CEP44: variants seen among roughly 807,000 people sequenced by gnomAD.
CEP44 encodes the protein centrosomal protein of 44 kDa.
CEP44 carries 45 observed loss-of-function variants against 46.7 expected under a neutral mutation model. That is an observed-to-expected ratio of 0.96 (90% CI 0.76 to 1.24). The LOEUF (loss-of-function observed/expected upper bound fraction) is 1.24. Among genes scored for constraint, CEP44 ranks in the 50% most tolerant of loss-of-function variants. CEP44 has a pLI of 0.00. For missense variants in CEP44, 475 were observed against 459.7 expected, an observed-to-expected ratio of 1.03 and a Z score of -0.30; for synonymous variants, 142 against 146.0, an observed-to-expected ratio of 0.97 and a Z score of 0.20.
rs1248175563 is a variant in CEP44, at chr4:174,319,163, A to G, written c.*1780A>G. On this transcript the variant is annotated 3_prime_UTR_variant, in exon 12 of 12. Coordinates refer to ENST00000503780, the MANE Select transcript of CEP44 (RefSeq NM_001040157.3). ...CATCAGAACTTTAAAATGGTAGCCT[A>G]CAGAAACATACAATTTTGAATTTAA... 1.0e-6 allele frequency: 1 copy of G among 983,008 alleles called. No homozygotes were observed. The highest frequency in any genetic ancestry group is 1.7e-5 in the African/African-American group (1 of 57,180). The allele number at this position is 983,008 out of a possible 1,614,324, so 60.9% of individuals were successfully genotyped here. A position where few individuals can be genotyped will look rare whatever the true frequency, so the allele number is the denominator to read the frequency against.
chr4:174,292,904 A>G (rs1381687059), intron 1 of CEP44, among the ~76,000 whole-genome samples: 2 of 152,150 alleles, frequency 1.3e-5, no homozygotes, highest in Admixed American at 6.5e-5. Context: ...AGTTTCTGTA[A>G]CCTTATTGGT....
intron 1 of CEP44, among the ~76,000 whole-genome samples, chr4:174,294,733 C>A (rs1405700702): frequency 1.4e-5 from 2 of 141,612 alleles, no homozygotes; most frequent in Non-Finnish European, 3.2e-5. Context: ...TGACCACCCC[C>A]CACCTCCCTG....
intron 1 of CEP44, among the ~76,000 whole-genome samples, chr4:174,292,778 T>C (rs943282100): frequency 3.9e-5 from 6 of 152,220 alleles, no homozygotes; most frequent in African/African-American, 1.4e-4. Flanking sequence ...GATTTTTATT[T>C]CATTTTCTAT....
Position 174,286,446 on chromosome 4 carries a change from G to T in CEP44, c.-148+2503G>T, listed in dbSNP as rs1737595935. 2.6e-5 allele frequency among the ~76,000 whole-genome samples: 4 copies of T among 152,136 alleles called. 1 individual carries two copies. In the South Asian group the frequency reaches 8.3e-4, roughly 32 times the overall value. ...TAATATAATGACTTCATTTTAATGTGATAACTTCATTTTAAAGGAGCTTCA... is the reference window on the plus strand; with the variant it reads ...TAATATAATGACTTCATTTTAATGTTATAACTTCATTTTAAAGGAGCTTCA... On this transcript the variant is annotated intron_variant, in intron 1 of 11. Coordinates refer to ENST00000503780, the MANE Select transcript of CEP44 (RefSeq NM_001040157.3). This position sits in a 1 kb window ranked among gnomAD's most constrained non-coding sequence, Gnocchi z 5.2.
chr4:174,312,599 C>T lies in CEP44; in HGVS notation c.961+1741C>T, dbSNP rs984078138. On this transcript the variant is annotated intron_variant, in intron 9 of 11. Transcript: ENST00000503780. The surrounding 1 kb of genome is among the most constrained non-coding windows in gnomAD (Gnocchi z 4.5). ...GATTACAGGTGTGAGTTAACATGTC[C>T]GGGTTCACATAGCTAAATTTCAACA... is the stretch of plus-strand genomic sequence containing the variant. Among the ~76,000 whole-genome samples, 29 of 152,004 alleles carry T rather than the reference C, an allele frequency of 1.9e-4. No individual in the cohort carries two copies. Among genetic ancestry groups the T allele is most frequent in the African/African-American group, 5.3e-4 (22 of 41,368 alleles).
In CEP44 at chr4:174,310,782, G is replaced by A; in HGVS notation, c.886-1G>A. Reference sequence around the variant, plus strand: ...CTAAATATTTAACTGTGTTATTCCAGAATGATGAATTTATAGAGTTTAATG... The same window carrying A: ...CTAAATATTTAACTGTGTTATTCCAAAATGATGAATTTATAGAGTTTAATG... On this transcript the variant is annotated splice_acceptor_variant, in intron 8 of 11. Coordinates refer to ENST00000503780, the MANE Select transcript of CEP44 (RefSeq NM_001040157.3). LOFTEE classifies it high-confidence loss of function. This position sits in a 1 kb window ranked among gnomAD's most constrained non-coding sequence, Gnocchi z 4.2. 7.2e-7 allele frequency: 1 copy of A among 1,384,580 alleles called. No homozygotes were observed. 85.8% of individuals were successfully genotyped at this position (1,384,580 alleles called of 1,614,324 possible).
At chr4:174,308,572 GCA>G in intron 6 of CEP44, 115 bp from the exon 7 acceptor site, 7 of 903,856 alleles carry the variant, frequency 7.7e-6, no homozygotes, top group Non-Finnish European at 1.2e-5. Context: ...AACCCCCATG[GCA>G]CACATTTACT....
Position 174,331,813 on chromosome 4 carries a change from T to A in CEP44, c.*218T>A. ...TCTATTTTCCAGAAATTTCTCAAAATGTCTGCTGATAGCCCCTCACTCATA... is the reference window on the plus strand; with the variant it reads ...TCTATTTTCCAGAAATTTCTCAAAAAGTCTGCTGATAGCCCCTCACTCATA... On this transcript the variant is annotated 3_prime_UTR_variant, in exon 9 of 9. Coordinates refer to the CEP44 transcript ENST00000426172. This position sits in a 1 kb window ranked among gnomAD's most constrained non-coding sequence, Gnocchi z 4.5. 2.0e-6 allele frequency: 1 copy of A among 495,930 alleles called. No homozygotes were observed. The highest frequency in any genetic ancestry group is 6.3e-5 in the South Asian group (1 of 15,848). The allele number at this position is 495,930 out of a possible 1,614,324, so 30.7% of individuals were successfully genotyped here.
intron 5 of CEP44, 63 bp from the exon 6 acceptor site, chr4:174,304,184 T>A (rs752269446): frequency 3.3e-5 from 49 of 1,498,076 alleles, no homozygotes; most frequent in Non-Finnish European, 4.4e-5. Flanking sequence ...GTTAATGGAA[T>A]TTTAATATAT....
In CEP44 at chr4:174,286,538, CAGTTGT is replaced by C. The variant is rs2126481170; in HGVS notation, c.-148+2596_-148+2601del. ...TTTTCTTCTATGAAGTGTCCATGGA[CAGTTGT>C]GGTAGATGTTTTTATGTAAGTTATT... On this transcript the variant is annotated intron_variant, in intron 1 of 11. Coordinates refer to ENST00000503780, the MANE Select transcript of CEP44 (RefSeq NM_001040157.3). This position sits in a 1 kb window ranked among gnomAD's most constrained non-coding sequence, Gnocchi z 5.2. Among the ~76,000 whole-genome samples the C allele has an allele frequency of 6.6e-6, 1 of 152,262 alleles. No individual in the cohort carries two copies. The highest frequency in any genetic ancestry group is 6.5e-5 in the Admixed American group (1 of 15,302).
Position 174,331,334 on chromosome 4 carries a change from G to T in CEP44, c.1087-148G>T. On this transcript the variant is annotated intron_variant, in intron 8 of 8. Transcript: ENST00000426172. This position sits in a 1 kb window ranked among gnomAD's most constrained non-coding sequence, Gnocchi z 4.5. Reference sequence around the variant, plus strand: ...ATTGTCATTTCTCTTTGTTTGCTTGGTCTTCTTTAGGCATTATTTTCAGAG... The same window carrying T: ...ATTGTCATTTCTCTTTGTTTGCTTGTTCTTCTTTAGGCATTATTTTCAGAG... The T allele has an allele frequency of 1.4e-6, 1 of 690,026 alleles. No homozygotes were observed. The highest frequency in any genetic ancestry group is 4.1e-5 in the South Asian group (1 of 24,324). The allele number at this position is 690,026 out of a possible 1,614,324, so 42.7% of individuals were successfully genotyped here. A position where few individuals can be genotyped will look rare whatever the true frequency, so the allele number is the denominator to read the frequency against.
intron 6 of CEP44, 34 bp downstream of exon 6, chr4:174,304,403 A>G (rs747078861): frequency 2.5e-6 from 4 of 1,594,188 alleles, no homozygotes; most frequent in African/African-American, 1.4e-5. Context: ...CATATTGTTT[A>G]AGAGTTATCT....
chr4:174,322,702 T>C (rs1742401317), downstream of CEP44, among the ~76,000 whole-genome samples: 1 of 146,896 alleles, frequency 6.8e-6, no homozygotes, highest in South Asian at 2.1e-4. Flanking sequence ...GACAAACAAT[T>C]AAGATGTCCT....
rs969426472 is a variant in CEP44 at position 174,288,801 on chromosome 4, A to T, written c.-148+4858A>T. Among the ~76,000 whole-genome samples, 4 of 152,160 alleles carry T rather than the reference A, an allele frequency of 2.6e-5. No individual in the cohort carries two copies. The highest frequency in any genetic ancestry group is 9.7e-5 in the African/African-American group (4 of 41,448). ...TACTACGCTGAATAGGAGAGGCTAA[A>T]GTAGGCAACCTTGCCTTGTTCCTCA... On this transcript the variant is annotated intron_variant, in intron 1 of 11. Transcript: ENST00000503780. The surrounding 1 kb of genome is among the most constrained non-coding windows in gnomAD (Gnocchi z 4.6).
intron 9 of CEP44, among the ~76,000 whole-genome samples, chr4:174,315,052 A>T (rs1741503952): frequency 6.6e-6 from 1 of 152,196 alleles, no homozygotes. Context: ...TACAGAGAAG[A>T]GCTGAGGGAT....
rs779953780 is a variant in CEP44, at chr4:174,316,176, C to T, written c.972C>T (p.Ser324=). The change falls in exon 10 of 12, where the codon AGC becomes AGT. Residue 324 remains serine, a synonymous_variant. Coordinates refer to ENST00000503780, the MANE Select transcript of CEP44 (RefSeq NM_001040157.3). ...TTAATTTCTTCACAGACAGAAAAAG[C>T]GAAGTAGAGAGGCCAGCAAGTATTC... The part of the protein sequence containing the change: ...DMDLLNPHRK[S]EVERPASIPL... 4.3e-6 allele frequency: 7 copies of T among 1,611,444 alleles called. No homozygotes were observed. The highest frequency in any genetic ancestry group is 5.1e-6 in the Non-Finnish European group (6 of 1,179,394).
rs548233483 is a variant in CEP44 at position 174,318,538 on chromosome 4, A to G, written c.*1155A>G. On this transcript the variant is annotated 3_prime_UTR_variant, in exon 12 of 12. Coordinates refer to ENST00000503780, the MANE Select transcript of CEP44 (RefSeq NM_001040157.3). Reference sequence around the variant, plus strand: ...ATGAATTATCTTTTTTTAAACTTGTAGATAAAAGTGTTCCAGTAATCAGAA... The same window carrying G: ...ATGAATTATCTTTTTTTAAACTTGTGGATAAAAGTGTTCCAGTAATCAGAA... The G allele has an allele frequency of 5.7e-6, 5 of 870,128 alleles. No homozygotes were observed. Among genetic ancestry groups the G allele is most frequent in the East Asian group, 2.4e-4 (2 of 8,254 alleles). The allele number at this position is 870,128 out of a possible 1,614,324, so 53.9% of individuals were successfully genotyped here.
intron 8 of CEP44, among the ~76,000 whole-genome samples, chr4:174,328,003 A>T (rs972274608): frequency 6.6e-6 from 1 of 152,190 alleles, no homozygotes; most frequent in African/African-American, 2.4e-5. Flanking sequence ...AAATGCACAA[A>T]CCATAAGAGA....
At chr4:174,308,127 C>T (rs886250465) in intron 6 of CEP44, among the ~76,000 whole-genome samples, 2 of 152,072 alleles carry the variant, frequency 1.3e-5, no homozygotes, top group Non-Finnish European at 2.9e-5. Context: ...ATAAATTGTT[C>T]TGTTGTAAAG....
Sources: allele counts gnomAD v4.1 joint callset (sites outside exome capture counted in the v4.1 genomes callset), GRCh38; gene constraint gnomAD v4.1.1; non-coding constraint Gnocchi (gnomAD v3.1); transcripts MANE v1.5; gene names NCBI Gene and HGNC (gene_info 2026-07-23, HGNC 2026-07-21).